Variants in SQOR observed in about 807,000 individuals in gnomAD.
SQOR encodes the protein sulfide:quinone oxidoreductase, mitochondrial.
SQOR carries 39 observed loss-of-function variants against 48.6 expected under a neutral mutation model. The observed-to-expected ratio is 0.80, with a 90% CI of 0.62 to 1.05. The LOEUF (loss-of-function observed/expected upper bound fraction) is 1.05. SQOR is among the 50% of genes least tolerant of loss of function. SQOR has a pLI of 0.00. For missense variants in SQOR, 561 were observed against 559.9 expected, an observed-to-expected ratio of 1.00 and a Z score of -0.02; for synonymous variants, 220 against 206.2, an observed-to-expected ratio of 1.07 and a Z score of -0.57.
At chr15:45,669,223 G>A (rs1889894575) in intron 3 of SQOR, among the ~76,000 whole-genome samples, 3 of 150,650 alleles carry the variant, frequency 2.0e-5, no homozygotes, top group South Asian at 4.2e-4. Context: ...AGGCTGGAGT[G>A]CAGTGGTGTG....
intron 9 of SQOR, chr15:45,689,459 C>A (rs901740507): frequency 1.5e-5 from 4 of 271,974 alleles, no homozygotes; most frequent in African/African-American, 2.2e-5. Flanking sequence ...GCTCTGTTGC[C>A]CAGGTTGGAG....
At chr15:45,677,563 TTTTC>T (rs1196426127) in intron 6 of SQOR, among the ~76,000 whole-genome samples, 1 of 152,222 alleles carries the variant, frequency 6.6e-6, no homozygotes, top group Non-Finnish European at 1.5e-5. Flanking sequence ...TTTCTATAGC[TTTTC>T]TTTGTCTTCT....
chr15:45,652,486 T>C (rs921432257), intron 1 of SQOR, among the ~76,000 whole-genome samples: 2 of 151,878 alleles, frequency 1.3e-5, no homozygotes, highest in Admixed American at 6.6e-5. Context: ...ATGCACGGGG[T>C]ACCACGCCGG....
At chr15:45,680,253 C>G (rs1595508728) in intron 6 of SQOR, among the ~76,000 whole-genome samples, 2 of 152,110 alleles carry the variant, frequency 1.3e-5, no homozygotes, top group Admixed American at 1.3e-4. Context: ...CACTACCATG[C>G]CCGGGTAATT....
At chr15:45,675,986 T>C in intron 5 of SQOR, 115 bp from the exon 6 acceptor site, 1 of 983,962 alleles carries the variant, frequency 1.0e-6, no homozygotes, top group East Asian at 2.4e-5. Context: ...CAGGACATAA[T>C]GGTGGCAAAA....
chr15:45,677,528 A>G (rs970908502), intron 6 of SQOR, among the ~76,000 whole-genome samples: 4 of 152,144 alleles, frequency 2.6e-5, no homozygotes, highest in African/African-American at 9.7e-5. Flanking sequence ...TGTGAGGTCT[A>G]TTTAGCCTCC....
intron 7 of SQOR, among the ~76,000 whole-genome samples, chr15:45,687,483 T>G (rs1890244381): frequency 6.6e-6 from 1 of 152,238 alleles, no homozygotes; most frequent in Admixed American, 6.5e-5. Flanking sequence ...TACTAATATT[T>G]TGGGGGTGCG....
At chr15:45,639,437 T>C (rs72713193) in intron 1 of SQOR, among the ~76,000 whole-genome samples, 2,064 of 152,356 alleles carry the variant, frequency 0.014, 13 homozygotes, top group Middle Eastern at 0.044. Flanking sequence ...CTCCATGTTT[T>C]GGCCCTAGCC....
At chr15:45,634,527 G>A (rs1392006503), upstream of SQOR, among the ~76,000 whole-genome samples, 2 of 151,992 alleles carry the variant, frequency 1.3e-5, no homozygotes, top group Admixed American at 6.6e-5. Context: ...TTTGAAGGAA[G>A]GGCTCCAGCG....
chr15:45,672,348 A>C (rs1347164799), intron 4 of SQOR, among the ~76,000 whole-genome samples: 4 of 152,184 alleles, frequency 2.6e-5, no homozygotes, highest in African/African-American at 9.7e-5. Flanking sequence ...CTTTGAAAAC[A>C]TTTAAATGCA....
chr15:45,655,927 C>T (rs965276899), intron 1 of SQOR, among the ~76,000 whole-genome samples: 9 of 151,794 alleles, frequency 5.9e-5, no homozygotes, highest in East Asian at 3.9e-4. Flanking sequence ...CCTTGTGATC[C>T]GCCCGCCTTG....
chr15:45,659,091 C>G lies in SQOR; in HGVS notation c.168C>G (p.Ile56Met). ...TGCTGGGTGGGGGCAGTGGCGGAAT[C>G]ACCATGGCTGCCCGCATGAAGAGGA... is the stretch of plus-strand genomic sequence containing the variant. ...VLVLGGGSGGITMAARMKRKV... is the reference protein window; with the variant it reads ...VLVLGGGSGGMTMAARMKRKV... Residue 56 changes from isoleucine to methionine, a missense_variant, in exon 2 of 10, where the codon ATC (isoleucine) becomes ATG (methionine). By Grantham distance (10) the Ile-to-Met change is conservative (BLOSUM62 1). Transcript: ENST00000260324. 6.3e-7 allele frequency: 1 copy of G among 1,589,330 alleles called. No homozygotes were observed.
intron 3 of SQOR, among the ~76,000 whole-genome samples, chr15:45,668,323 T>C (rs1889876067): frequency 6.6e-6 from 1 of 152,234 alleles, no homozygotes; most frequent in Non-Finnish European, 1.5e-5. Context: ...AATTGTACTT[T>C]TCACAAGCAA....
intron 1 of SQOR, among the ~76,000 whole-genome samples, chr15:45,641,216 A>C (rs995426703): frequency 2.6e-5 from 4 of 152,320 alleles, no homozygotes; most frequent in African/African-American, 9.6e-5. Flanking sequence ...TTCTCTTGTT[A>C]CAATGCATTC....
chr15:45,687,590 C>T lies in SQOR; in HGVS notation c.1049-747C>T, dbSNP rs567601351. On this transcript the variant is annotated intron_variant, in intron 7 of 9. Coordinates refer to ENST00000260324, the MANE Select transcript of SQOR (RefSeq NM_021199.4). ...TGTGATATCTGCTCTAAAAATACAG[C>T]GGGAAAAAAATAGCATGTGTGATGA... 3.5e-5 allele frequency among the ~76,000 whole-genome samples: 5 copies of T among 144,908 alleles called. No homozygotes were observed. In the East Asian group the frequency reaches 7.8e-4, roughly 23 times the overall value.
chr15:45,686,965 G>T (rs555567251), intron 7 of SQOR, among the ~76,000 whole-genome samples: 1 of 151,298 alleles, frequency 6.6e-6, no homozygotes, highest in African/African-American at 2.4e-5. Flanking sequence ...GCGACACCAC[G>T]CCTGGCTAAT....
chr15:45,657,236 G>A (rs572991860), intron 1 of SQOR, among the ~76,000 whole-genome samples: 26 of 150,074 alleles, frequency 1.7e-4, no homozygotes, highest in Admixed American at 4.7e-4. Flanking sequence ...GTGGTGACCT[G>A]AGCCTTCCCT....
At chr15:45,650,902 G>A (rs1314158735) in intron 1 of SQOR, among the ~76,000 whole-genome samples, 1 of 152,192 alleles carries the variant, frequency 6.6e-6, no homozygotes, top group African/African-American at 2.4e-5. Context: ...TGAACTAGAC[G>A]TAAAAGTTCT....
chr15:45,678,259 G>A (rs530361044), intron 6 of SQOR, among the ~76,000 whole-genome samples: 2 of 152,172 alleles, frequency 1.3e-5, no homozygotes, highest in Non-Finnish European at 2.9e-5. Context: ...ACTAGAGTTA[G>A]CATCCATTGA....
Sources: allele counts gnomAD v4.1 joint callset (sites outside exome capture counted in the v4.1 genomes callset), GRCh38; gene constraint gnomAD v4.1.1; transcripts MANE v1.5; gene names NCBI Gene and HGNC (gene_info 2026-07-23, HGNC 2026-07-21).